Variants in RNASEH1 observed in about 807,000 individuals in gnomAD.
The protein encoded by RNASEH1 is ribonuclease H type II.
RNASEH1 carries 27 observed loss-of-function variants against 34.6 expected under a neutral mutation model. That is an observed-to-expected ratio of 0.78 (90% CI 0.58 to 1.08). The LOEUF (loss-of-function observed/expected upper bound fraction) is 1.08, where lower values mean the gene tolerates loss of function less well. Among genes scored for constraint, RNASEH1 ranks in the 50% least tolerant of loss-of-function variants. The pLI, the probability that RNASEH1 is intolerant of heterozygous loss-of-function variation, is 0.00. For synonymous variants in RNASEH1, 162 were observed against 138.4 expected, an observed-to-expected ratio of 1.17 and a Z score of -1.20; for missense variants, 349 against 373.6, an observed-to-expected ratio of 0.93 and a Z score of 0.54.
downstream of RNASEH1, among the ~76,000 whole-genome samples, chr2:3,539,689 T>C (rs981462511): frequency 6.6e-6 from 1 of 152,206 alleles, no homozygotes; most frequent in African/African-American, 2.4e-5. Context: ...GTTCTGAATG[T>C]CAGCTCATCA....
Position 3,552,193 on chromosome 2 carries a change from C to A in RNASEH1, c.360G>T (p.Pro120=), listed in dbSNP as rs762279184. Residue 120 remains proline, a synonymous_variant, in exon 3 of 8, where the codon CCG becomes CCT. Transcript: ENST00000315212. ...TAACTGGAGGCGCCGGCTCCACGCT[C>A]GGCTTCATGTGCTTTGCATACGGCT... ...SAEPYAKHMK[P]SVEPAPPVSR... The A allele has an allele frequency of 2.5e-6, 4 of 1,612,576 alleles. No individual in the cohort carries two copies. Among genetic ancestry groups the A allele is most frequent in the Non-Finnish European group, 3.4e-6 (4 of 1,179,898 alleles).
Position 3,553,090 on chromosome 2 carries a change from A to C in RNASEH1, c.245-782T>G, listed in dbSNP as rs186655691. On this transcript the variant is annotated intron_variant, in intron 2 of 7. Transcript: ENST00000315212. Reference sequence around the variant, plus strand: ...TGGTGAAACCCTGTCTCTACTAAAAATACAAAAATTAGCCAGGCGTGATGG... The same window carrying C: ...TGGTGAAACCCTGTCTCTACTAAAACTACAAAAATTAGCCAGGCGTGATGG... Among the ~76,000 whole-genome samples the C allele has an allele frequency of 9.8e-3, 1,487 of 152,104 alleles. 11 individuals are homozygous for C. Among genetic ancestry groups the C allele is most frequent in the Non-Finnish European group, 0.017 (1,128 of 68,006 alleles).
intron 1 of RNASEH1, chr2:3,557,680 A>C (rs1660649493): frequency 2.4e-6 from 1 of 422,922 alleles, no homozygotes; most frequent in African/African-American, 2.1e-5. Context: ...CTCACCTCCA[A>C]GGGTTGTTAC....
intron 2 of RNASEH1, among the ~76,000 whole-genome samples, chr2:3,552,794 G>A (rs1273975415): frequency 6.6e-6 from 1 of 151,998 alleles, no homozygotes; most frequent in Non-Finnish European, 1.5e-5. Context: ...GCCCGGGTTT[G>A]AATCCAACCC....
At chr2:3,534,480 G>A in the RNASEH1 span, among the ~76,000 whole-genome samples, 1 of 152,206 alleles carries the variant, frequency 6.6e-6, no homozygotes, top group Non-Finnish European at 1.5e-5. Context: ...TGGTGGGAAC[G>A]GTTGAGCTGT....
At chr2:3,557,668 C>A in intron 1 of RNASEH1, 1 of 402,498 alleles carries the variant, frequency 2.5e-6, no homozygotes, top group Non-Finnish European at 5.1e-6. Flanking sequence ...AGAATAATCC[C>A]TCTCACCTCC....
chr2:3,533,768 G>A, the RNASEH1 span: 47 of 152,448 alleles, frequency 3.1e-4, no homozygotes, highest in African/African-American at 1.1e-3. Context: ...CCTGTTCACA[G>A]CAGCATTCTT....
chr2:3,550,659 C>G (rs1250649119), intron 3 of RNASEH1, among the ~76,000 whole-genome samples, 187 bp from the exon 4 acceptor site: 1 of 152,244 alleles, frequency 6.6e-6, no homozygotes, highest in Non-Finnish European at 1.5e-5. Flanking sequence ...TGCTTGGAAT[C>G]CACTTACATT....
rs751991719 is a variant in RNASEH1 at position 3,545,823 on chromosome 2, T to G, written c.823A>C (p.Arg275=). Residue 275 remains arginine (R), a synonymous_variant, in exon 8 of 8, where the codon AGA becomes CGA. Coordinates refer to ENST00000315212, the MANE Select transcript of RNASEH1 (RefSeq NM_002936.6). ...TGTTTAGCTCCTTCTCTGGCTAATC[T>G]GTCAGCTTCTTCATTGCCTATAAAT... The part of the protein sequence containing the change: ...SGFIGNEEAD[R]LAREGAKQSE... 8.1e-6 allele frequency: 13 copies of G among 1,613,796 alleles called. No individual in the cohort carries two copies. In the East Asian group the frequency reaches 2.2e-4, roughly 28 times the overall value.
At chr2:3,555,066 T>C (rs1482394736) in intron 2 of RNASEH1, among the ~76,000 whole-genome samples, 2 of 152,118 alleles carry the variant, frequency 1.3e-5, no homozygotes, top group Admixed American at 6.5e-5. Flanking sequence ...CAAATAACAA[T>C]GTTATGTTGA....
the RNASEH1 span, chr2:3,532,360 A>G: frequency 1.4e-6 from 1 of 702,370 alleles, no homozygotes; most frequent in Non-Finnish European, 2.6e-6. Flanking sequence ...CACAGGTGCC[A>G]GCCAGAGAGG....
chr2:3,556,954 C>T (rs1558462063), intron 1 of RNASEH1, 50 bp from the exon 2 acceptor site: 1 of 1,346,484 alleles, frequency 7.4e-7, no homozygotes, highest in African/African-American at 1.4e-5. Context: ...TAACTTATCC[C>T]CTTTTTTATT....
the RNASEH1 span, chr2:3,534,328 G>A: frequency 6.6e-6 from 1 of 152,314 alleles, no homozygotes; most frequent in African/African-American, 2.4e-5. Context: ...CAGTGGAGGA[G>A]AAGAAACTGC....
intron 2 of RNASEH1, among the ~76,000 whole-genome samples, chr2:3,556,102 AG>A (rs2147782354): frequency 6.6e-6 from 1 of 152,132 alleles, no homozygotes; most frequent in African/African-American, 2.4e-5. Context: ...TGAACGCAGG[AG>A]GCAGAGACTG....
chr2:3,557,393 C>T (rs1660617696), intron 1 of RNASEH1, among the ~76,000 whole-genome samples: 2 of 152,208 alleles, frequency 1.3e-5, no homozygotes, highest in Admixed American at 6.5e-5. Context: ...CACCATAAGG[C>T]TTTCGTCAAA....
At position 3,542,931 on chromosome 2, in the gene RNASEH1, G is replaced by C. The variant is rs546416991; in HGVS notation, c.*2854C>G. ...CAAAAATCTAGAAATAATGACCAAC[G>C]CAATAGCAATGAGCATCCTAAACTG... On this transcript the variant is annotated 3_prime_UTR_variant, in exon 8 of 8. Coordinates refer to ENST00000315212, the MANE Select transcript of RNASEH1 (RefSeq NM_002936.6). Among the ~76,000 whole-genome samples, 38 of 152,236 alleles carry C rather than the reference G, an allele frequency of 2.5e-4. No homozygotes were observed. The highest frequency in any genetic ancestry group is 8.9e-4 in the African/African-American group (37 of 41,528).
At chr2:3,547,396 G>C (rs979558067) in intron 7 of RNASEH1, among the ~76,000 whole-genome samples, 1 of 151,780 alleles carries the variant, frequency 6.6e-6, no homozygotes, top group Non-Finnish European at 1.5e-5. Flanking sequence ...GGCTGGTCTC[G>C]AACTTCTTGG....
chr2:3,546,070 A>G (rs1423103073), intron 7 of RNASEH1, among the ~76,000 whole-genome samples, 199 bp from the exon 8 acceptor site: 1 of 152,224 alleles, frequency 6.6e-6, no homozygotes, highest in Non-Finnish European at 1.5e-5. Context: ...ATTTACGAAC[A>G]TTCCATTTTG....
chr2:3,540,795 T>A (rs1668251721), downstream of RNASEH1, among the ~76,000 whole-genome samples: 1 of 152,206 alleles, frequency 6.6e-6, no homozygotes, highest in African/African-American at 2.4e-5. Context: ...TTCAATTTTT[T>A]TTTTTTTAAA....
Sources: allele counts gnomAD v4.1 joint callset (sites outside exome capture counted in the v4.1 genomes callset), GRCh38; gene constraint gnomAD v4.1.1; transcripts MANE v1.5; gene names NCBI Gene and HGNC (gene_info 2026-07-23, HGNC 2026-07-21).